Variants in ANGPT1 observed in about 807,000 individuals in gnomAD.
The protein encoded by ANGPT1 is angiopoietin 1.
A neutral mutation model predicts 62.2 loss-of-function variants in ANGPT1; 17 were observed. The observed-to-expected ratio is 0.27, with a 90% CI of 0.19 to 0.41. The LOEUF is 0.41. Among genes scored for constraint, ANGPT1 ranks in the 10% least tolerant of loss-of-function variants. The pLI is 1.00. For synonymous variants in ANGPT1, 199 were observed against 198.9 expected, an observed-to-expected ratio of 1.00 and a Z score of 0.00; for missense variants, 478 against 594.9, an observed-to-expected ratio of 0.80 and a Z score of 2.04.
At chr8:107,490,460 T>C (rs6469116) in intron 1 of ANGPT1, among the ~76,000 whole-genome samples, 103,250 of 152,066 alleles carry the variant, frequency 0.68, 35,201 homozygotes, top group East Asian at 0.79. Flanking sequence ...AATTCCCTTG[T>C]TTGTGTGCCT....
intron 8 of ANGPT1, among the ~76,000 whole-genome samples, chr8:107,256,642 A>C (rs981048608): frequency 5.9e-5 from 9 of 152,296 alleles, no homozygotes; most frequent in African/African-American, 2.2e-4. Context: ...ATTCTGTGCA[A>C]TCCTGGGAAA....
chr8:107,472,460 T>C (rs1296395906), intron 1 of ANGPT1, among the ~76,000 whole-genome samples: 1 of 152,090 alleles, frequency 6.6e-6, no homozygotes, highest in Non-Finnish European at 1.5e-5. Context: ...GAAGGGAATC[T>C]TAAAGCAATC....
intron 1 of ANGPT1, among the ~76,000 whole-genome samples, chr8:107,398,536 CTG>C (rs1816982835): frequency 8.2e-6 from 1 of 122,092 alleles, no homozygotes; most frequent in Non-Finnish European, 1.7e-5. Flanking sequence ...TGAAAACACT[CTG>C]TGAATCAAAT....
intron 1 of ANGPT1, among the ~76,000 whole-genome samples, chr8:107,366,544 C>T (rs1816276992): frequency 6.6e-6 from 1 of 152,106 alleles, no homozygotes; most frequent in Non-Finnish European, 1.5e-5. Flanking sequence ...GTCCTTAGAA[C>T]ATGGGCTCAC....
rs552946116 is a variant in ANGPT1, at chr8:107,299,063, T to A, written c.936+4177A>T. Among the ~76,000 whole-genome samples, 115 of 151,734 alleles carry A rather than the reference T, an allele frequency of 7.6e-4. 1 individual carries two copies. The highest frequency in any genetic ancestry group is 1.4e-3 in the Non-Finnish European group (96 of 67,770). On this transcript the variant is annotated intron_variant, in intron 5 of 8. Transcript: ENST00000517746. ...AGGAAGGTGAGAATGAGGTGGGTTA[T>A]AATGAGAACATGAATCAACTTACCT... is the stretch of plus-strand genomic sequence containing the variant.
intron 1 of ANGPT1, among the ~76,000 whole-genome samples, chr8:107,398,777 A>G (rs914525974): frequency 6.6e-6 from 1 of 152,170 alleles, no homozygotes; most frequent in African/African-American, 2.4e-5. Context: ...TGGAATGGTA[A>G]AACAAGGAAA....
At chr8:107,364,247 T>C (rs1816227122) in intron 1 of ANGPT1, among the ~76,000 whole-genome samples, 1 of 152,120 alleles carries the variant, frequency 6.6e-6, no homozygotes, top group Admixed American at 6.6e-5. Flanking sequence ...GCTAAATCCC[T>C]GAGGTTTATG....
At chr8:107,487,035 A>T (rs1164917325) in intron 1 of ANGPT1, among the ~76,000 whole-genome samples, 3 of 152,060 alleles carry the variant, frequency 2.0e-5, no homozygotes, top group Admixed American at 1.3e-4. Context: ...AAAGCGCATG[A>T]CAAAACTCAT....
intron 4 of ANGPT1, among the ~76,000 whole-genome samples, chr8:107,312,227 C>T (rs1333103269): frequency 2.0e-5 from 3 of 152,210 alleles, no homozygotes; most frequent in Non-Finnish European, 2.9e-5. Flanking sequence ...TGCTGCACGG[C>T]CCTTGCCATT....
chr8:107,298,678 T>C (rs1219078639), intron 5 of ANGPT1, among the ~76,000 whole-genome samples: 8 of 151,842 alleles, frequency 5.3e-5, no homozygotes, highest in Non-Finnish European at 1.5e-5. Flanking sequence ...AAAATTACTG[T>C]ACTACAATCC....
intron 1 of ANGPT1, among the ~76,000 whole-genome samples, chr8:107,361,286 C>G (rs1370428468): frequency 6.6e-6 from 1 of 151,640 alleles, no homozygotes; most frequent in Non-Finnish European, 1.5e-5. Context: ...TTCTTCTTTA[C>G]TAAACTAAAA....
rs774576736 is a variant in ANGPT1, at chr8:107,284,773, T to C, written c.1114A>G (p.Met372Val). The change falls in exon 7 of 9, where the codon ATG becomes GTG. Residue 372 changes from methionine (M) to valine (V), a missense_variant. Physicochemically the swap from Met to Val is conservative, Grantham distance 21. Coordinates refer to ENST00000517746, the MANE Select transcript of ANGPT1 (RefSeq NM_001146.5). ...CAGTCCATTAACTCAATTCTTAGCA[T>C]GTACTGCCTCTGACTGGTAATGGCA... The part of the protein sequence containing the change: ...IFAITSQRQY[M>V]LRIELMDWEG... 8 of 1,612,164 alleles carry C rather than the reference T, an allele frequency of 5.0e-6. No individual in the cohort carries two copies. The highest frequency in any genetic ancestry group is 6.8e-6 in the Non-Finnish European group (8 of 1,178,834).
intron 1 of ANGPT1, among the ~76,000 whole-genome samples, chr8:107,364,290 C>T (rs1023610378): frequency 1.2e-4 from 19 of 152,060 alleles, no homozygotes; most frequent in East Asian, 9.7e-4. Context: ...ATTATTACTA[C>T]GATTTTTTGA....
chr8:107,417,773 ATCT>A (rs1363099983), intron 1 of ANGPT1, among the ~76,000 whole-genome samples: 27 of 152,192 alleles, frequency 1.8e-4, no homozygotes, highest in African/African-American at 5.8e-4. Flanking sequence ...TGGGACAGAA[ATCT>A]TCTGTGGCTG....
chr8:107,294,933 G>A (rs1434560368), intron 5 of ANGPT1: 1 of 152,058 alleles, frequency 6.6e-6, no homozygotes, highest in Non-Finnish European at 1.5e-5. Flanking sequence ...CTCAACAACT[G>A]AATACTAAAG....
At chr8:107,438,906 G>A (rs933644479) in intron 1 of ANGPT1, among the ~76,000 whole-genome samples, 11 of 151,954 alleles carry the variant, frequency 7.2e-5, no homozygotes, top group South Asian at 2.1e-4. Flanking sequence ...TTTGATTTAC[G>A]AACAAAATGT....
intron 6 of ANGPT1, 152 bp downstream of exon 6, chr8:107,293,784 G>A: frequency 1.7e-6 from 1 of 572,464 alleles, no homozygotes; most frequent in South Asian, 2.6e-5. Flanking sequence ...TGATTTATGA[G>A]TGTTTTGTGT....
At chr8:107,305,167 G>C (rs1814684824) in intron 4 of ANGPT1, among the ~76,000 whole-genome samples, 1 of 151,880 alleles carries the variant, frequency 6.6e-6, no homozygotes, top group Non-Finnish European at 1.5e-5. Flanking sequence ...TTGGAAAGTT[G>C]AAAATAAGCA....
intron 7 of ANGPT1, among the ~76,000 whole-genome samples, chr8:107,266,519 T>C (rs1563541242): frequency 6.6e-6 from 1 of 152,164 alleles, no homozygotes; most frequent in Non-Finnish European, 1.5e-5. Context: ...AAGTGAATGA[T>C]TCCAAAATTA....
Sources: gnomAD v4.1 joint callset for allele counts (sites outside exome capture counted in the v4.1 genomes callset) on GRCh38, gnomAD v4.1.1 for gene constraint, MANE v1.5 for transcripts, NCBI Gene and HGNC (gene_info 2026-07-23, HGNC 2026-07-21) for gene names.